WNK1: variants seen among roughly 807,000 people sequenced by gnomAD.
WNK1 encodes WNK lysine deficient protein kinase 1, also known as serine/threonine-protein kinase WNK1.
A neutral mutation model predicts 222.8 loss-of-function variants in WNK1; 38 were observed. The observed-to-expected ratio is 0.17, with a 90% confidence interval of 0.13 to 0.22. The LOEUF is 0.22. Among genes scored for constraint, WNK1 ranks in the 10% least tolerant of loss-of-function variants. WNK1 has a pLI of 1.00. For synonymous variants in WNK1, 1,090 were observed against 1,092.9 expected (o/e 1.00, Z 0.05); for missense variants, 2,348 against 2,918.4 (o/e 0.80, Z 4.50).
chr12:830,599 T>C lies in WNK1; in HGVS notation c.1311+439T>C, dbSNP rs1246741161. Among the ~76,000 whole-genome samples the C allele has an allele frequency of 3.3e-5, 5 of 152,364 alleles. No homozygotes were observed. The South Asian group carries it at 1.0e-3, about 32-fold the overall frequency. The stretch of plus-strand genomic sequence containing the variant: ...AAATCTTATATATTAGTACCTACCA[T>C]ATTTAAGGCATAAATAAATACCTTA... On this transcript the variant is annotated intron_variant, in intron 4 of 27. Coordinates refer to ENST00000315939, the MANE Select transcript of WNK1 (RefSeq NM_018979.4).
chr12:890,016 G>A (rs1247644962), intron 21 of WNK1, among the ~76,000 whole-genome samples: 11 of 143,328 alleles, frequency 7.7e-5, no homozygotes, highest in Admixed American at 4.4e-4. Context: ...GCAGTGGCAC[G>A]ATCTTGGCTC....
In WNK1 at chr12:868,536, C is replaced by G; in HGVS notation, c.2140-2729C>G. 1.9e-6 allele frequency: 3 copies of G among 1,613,876 alleles called. No individual in the cohort carries two copies. The highest frequency in any genetic ancestry group is 1.6e-4 in the Middle Eastern group (1 of 6,062). On this transcript the variant is annotated intron_variant, in intron 8 of 27. Coordinates refer to ENST00000315939, the MANE Select transcript of WNK1 (RefSeq NM_018979.4). ...ATTTCTGCACCTATCAGTACAGATG[C>G]TACACGTTTGAAATTTCACCCTGTC...
intron 26 of WNK1, chr12:901,488 G>A: frequency 9.0e-7 from 1 of 1,112,746 alleles, no homozygotes; most frequent in Non-Finnish European, 1.2e-6. Context: ...CCAGCCTCAA[G>A]TTTCTAACAT....
chr12:836,465 C>G (rs1192457822), intron 4 of WNK1, among the ~76,000 whole-genome samples: 1 of 152,126 alleles, frequency 6.6e-6, no homozygotes, highest in Non-Finnish European at 1.5e-5. Flanking sequence ...TCAATAGATT[C>G]TTGATGTTTC....
intron 1 of WNK1, among the ~76,000 whole-genome samples, chr12:795,312 T>C (rs79881999): frequency 4.5e-5 from 6 of 132,594 alleles, no homozygotes; most frequent in African/African-American, 8.1e-5. Flanking sequence ...TTTTTTTTTT[T>C]CTTGAGTCAG....
rs144114167 is a variant in WNK1, at chr12:861,179, C to T, written c.1787C>T (p.Ser596Phe). 3.3e-5 allele frequency: 53 copies of T among 1,613,854 alleles called. No homozygotes were observed. The highest frequency in any genetic ancestry group is 4.1e-5 in the Non-Finnish European group (48 of 1,179,972). ...AGTCTCAAACAGCAGGTAGAACAAT[C>T]CAGTGCTTCCCAGACAGGAATCAAG... is the stretch of plus-strand genomic sequence containing the variant. ...ESSLKQQVEQ[S>F]SASQTGIKQL... The change falls in exon 7 of 28, where the codon TCC (serine) becomes TTC (phenylalanine). Residue 596 changes from serine to phenylalanine, a missense_variant. Ser to Phe is a radical substitution (Grantham distance 155). This residue lies in a region of WNK1 where 103 missense variants were observed against 111.5 expected (regional missense o/e 0.92). Transcript: ENST00000315939.
rs918646468 is a variant in WNK1, at chr12:884,001, C to A, written c.3722-120C>A. 73 of 1,531,218 alleles carry A rather than the reference C, an allele frequency of 4.8e-5. No homozygotes were observed. The highest frequency in any genetic ancestry group is 4.0e-5 in the Non-Finnish European group (45 of 1,117,910). The allele number at this position is 1,531,218 out of a possible 1,614,324, so 94.9% of individuals were successfully genotyped here. A position where few individuals can be genotyped will look rare whatever the true frequency, so the allele number is the denominator to read the frequency against. On this transcript the variant is annotated intron_variant, in intron 17 of 27. Coordinates refer to ENST00000315939, the MANE Select transcript of WNK1 (RefSeq NM_018979.4). This position sits in a 1 kb window ranked among gnomAD's most constrained non-coding sequence, Gnocchi z 5.6. ...TGAGATCGCGCCACTGCACTCCAGC[C>A]TGGGTGAGAGAATGAGACCGTGCCT...
chr12:765,413 G>A (rs1037477852), intron 1 of WNK1, among the ~76,000 whole-genome samples: 2 of 147,222 alleles, frequency 1.4e-5, no homozygotes, highest in African/African-American at 4.9e-5. Flanking sequence ...GGGCCTGGTG[G>A]TGTGCATCTG....
At chr12:836,262 A>G (rs961219180) in intron 4 of WNK1, among the ~76,000 whole-genome samples, 2 of 152,202 alleles carry the variant, frequency 1.3e-5, no homozygotes, top group Admixed American at 1.3e-4. Flanking sequence ...CTAAACAGTA[A>G]CAGGTGTTTC....
chr12:890,641 TA>T, intron 22 of WNK1, 128 bp downstream of exon 22: 1 of 969,444 alleles, frequency 1.0e-6, no homozygotes, highest in Admixed American at 2.0e-5. Context: ...TAGTAATATC[TA>T]AAGCTTGAAA....
chr12:807,815 G>A (rs1317889842), intron 1 of WNK1, among the ~76,000 whole-genome samples: 1 of 146,040 alleles, frequency 6.8e-6, no homozygotes, highest in Non-Finnish European at 1.5e-5. Flanking sequence ...CGCCTCCCGG[G>A]TTCACGCCAT....
chr12:859,838 G>C (rs957539234), intron 6 of WNK1, among the ~76,000 whole-genome samples: 4 of 151,390 alleles, frequency 2.6e-5, no homozygotes, highest in African/African-American at 7.3e-5. Context: ...GCCTTAGCCT[G>C]CCGAGAAGCT....
At chr12:895,406 A>G (rs1320833684) in intron 23 of WNK1, among the ~76,000 whole-genome samples, 1 of 152,122 alleles carries the variant, frequency 6.6e-6, no homozygotes, top group Non-Finnish European at 1.5e-5. Context: ...AAATTCTACA[A>G]TGCCTTGCTA....
At chr12:764,855 C>T (rs1252017091) in intron 1 of WNK1, among the ~76,000 whole-genome samples, 1 of 147,552 alleles carries the variant, frequency 6.8e-6, no homozygotes, top group South Asian at 2.2e-4. Flanking sequence ...CCACCAGCCT[C>T]ACGTGGCTAT....
chr12:784,286 T>C (rs1046054307), intron 1 of WNK1, among the ~76,000 whole-genome samples: 7 of 152,200 alleles, frequency 4.6e-5, no homozygotes, highest in African/African-American at 1.7e-4. Flanking sequence ...TGAAGGAATT[T>C]TTTTTTAATT....
At chr12:794,657 G>C (rs1945145339) in intron 1 of WNK1, among the ~76,000 whole-genome samples, 1 of 152,050 alleles carries the variant, frequency 6.6e-6, no homozygotes, top group South Asian at 2.1e-4. Flanking sequence ...TGTGGCCATG[G>C]GAAATAATCC....
At chr12:903,484 T>C in intron 26 of WNK1, among the ~76,000 whole-genome samples, 1 of 152,166 alleles carries the variant, frequency 6.6e-6, no homozygotes, top group Non-Finnish European at 1.5e-5. Flanking sequence ...AGGCCTATGG[T>C]CTACAGCCTG....
chr12:892,035 CTTTTT>C (rs34947524), intron 22 of WNK1, among the ~76,000 whole-genome samples: 3 of 135,958 alleles, frequency 2.2e-5, no homozygotes, highest in Non-Finnish European at 3.2e-5. Context: ...TTATAACTAA[CTTTTT>C]TTTTTTTTTG....
intron 4 of WNK1, among the ~76,000 whole-genome samples, chr12:835,355 A>C (rs1371689294): frequency 2.0e-5 from 3 of 151,606 alleles, no homozygotes; most frequent in Non-Finnish European, 1.5e-5. Context: ...CAACAAAAAA[A>C]CCCACAATAG....
Sources: allele counts gnomAD v4.1 joint callset (sites outside exome capture counted in the v4.1 genomes callset), GRCh38; gene constraint gnomAD v4.1.1; regional missense constraint gnomAD v4.1.1; non-coding constraint Gnocchi (gnomAD v3.1); transcripts MANE v1.5; gene names NCBI Gene and HGNC (gene_info 2026-07-23, HGNC 2026-07-21).